The following PCNX1 variants were observed in gnomAD, a reference collection of about 807,000 sequenced individuals.
The protein encoded by PCNX1 is pecanex 1.
PCNX1 carries 78 observed loss-of-function variants against 242.2 expected under a neutral mutation model. The ratio of observed to expected loss-of-function variants is 0.32; its 90% CI spans 0.27 to 0.39. The LOEUF is 0.39. Among genes scored for constraint, PCNX1 ranks in the 10% least tolerant of loss-of-function variants. The pLI, the probability that PCNX1 is intolerant of heterozygous loss-of-function variation, is 1.00. For synonymous variants in PCNX1, 1,024 were observed against 1,032.9 expected, an observed-to-expected ratio of 0.99 and a Z score of 0.17; for missense variants, 2,581 against 2,856.5, an observed-to-expected ratio of 0.90 and a Z score of 2.20.
chr14:71,084,159 C>T (rs1242308013), intron 28 of PCNX1, among the ~76,000 whole-genome samples: 1 of 152,296 alleles, frequency 6.6e-6, no homozygotes, highest in Admixed American at 6.5e-5. Flanking sequence ...CCTTGTTTGC[C>T]TGGGTATCAC....
At chr14:71,080,293 A>T (rs1258833127) in intron 28 of PCNX1, among the ~76,000 whole-genome samples, 5 of 152,078 alleles carry the variant, frequency 3.3e-5, no homozygotes, top group Non-Finnish European at 7.4e-5. Context: ...GTAGAGTTTG[A>T]AGTTAGGTAA....
Position 71,076,358 on chromosome 14 carries a change from G to T in PCNX1, c.5276G>T (p.Arg1759Met). The change falls in exon 28 of 36, where the codon AGG (arginine) becomes ATG (methionine). Residue 1759 changes from arginine to methionine, a missense_variant. Around this residue, in one of 9 missense-constraint regions of PCNX1, gnomAD observed 298 missense variants for 480.1 expected, o/e 0.62. Coordinates refer to ENST00000304743, the MANE Select transcript of PCNX1 (RefSeq NM_014982.3). ...DYDHRLAGISRESFCVIYLNW... is the reference protein window; with the variant it reads ...DYDHRLAGISMESFCVIYLNW... ...GACCACCGACTGGCAGGCATATCTA[G>T]GGAGAGTTTCTGTGTGATTTACCTC... 1 of 1,613,910 alleles carries T rather than the reference G, an allele frequency of 6.2e-7. No individual in the cohort carries two copies. The highest frequency in any genetic ancestry group is 2.2e-5 in the East Asian group (1 of 44,870).
chr14:70,932,479 C>T (rs1014602551), intron 1 of PCNX1, among the ~76,000 whole-genome samples: 5 of 152,040 alleles, frequency 3.3e-5, no homozygotes, highest in African/African-American at 1.2e-4. Context: ...ATGTTTGTAT[C>T]TATTTTTAAA....
At chr14:71,008,838 T>C (rs2059742509) in intron 8 of PCNX1, among the ~76,000 whole-genome samples, 1 of 152,060 alleles carries the variant, frequency 6.6e-6, no homozygotes, top group African/African-American at 2.4e-5. Flanking sequence ...TCCCTTTTCA[T>C]CACCGATATG....
chr14:70,988,608 C>T lies in PCNX1; in HGVS notation c.2353C>T (p.Arg785Cys), dbSNP rs2059066346. 2.5e-6 allele frequency: 4 copies of T among 1,613,998 alleles called. No individual in the cohort carries two copies. Among genetic ancestry groups the T allele is most frequent in the African/African-American group, 1.3e-5 (1 of 74,898 alleles). ...SEEAVSFRRE[R>C]STFRRQAVRR... is the part of the protein sequence containing the mutation. ...GGAGGCAGTGTCATTTCGCCGTGAA[C>T]GCAGCACATTTAGGCGCCAGGCAGT... The change falls in exon 7 of 36, where the codon CGC becomes TGC. Residue 785 changes from arginine to cysteine, a missense_variant. Physicochemically the swap from Arg to Cys is radical, Grantham distance 180. Transcript: ENST00000304743.
At chr14:70,983,564 A>G (rs958186836) in intron 6 of PCNX1, among the ~76,000 whole-genome samples, 2 of 152,032 alleles carry the variant, frequency 1.3e-5, no homozygotes, top group Non-Finnish European at 2.9e-5. Flanking sequence ...CGGCCTCCCA[A>G]AGTGCTGGGA....
At chr14:70,997,990 T>TA (rs1459237439) in intron 8 of PCNX1, among the ~76,000 whole-genome samples, 4 of 152,242 alleles carry the variant, frequency 2.6e-5, no homozygotes, top group Non-Finnish European at 5.9e-5. Context: ...TAGCTTCCTC[T>TA]ATTAAAAATT....
At position 70,947,080 on chromosome 14, in the gene PCNX1, C is replaced by G. The variant is rs1566603115; in HGVS notation, c.319C>G (p.Gln107Glu). The G allele has an allele frequency of 6.2e-7, 1 of 1,613,152 alleles. No individual in the cohort carries two copies. Among genetic ancestry groups the G allele is most frequent in the South Asian group, 1.1e-5 (1 of 90,926 alleles). ...EFTDQRTKAE[Q>E]GNCSTRRKDS... ...CACGGATCAGCGAACCAAAGCTGAA[C>G]AAGGCAACTGTTCAACCAGGAGAAA... Residue 107 changes from glutamine to glutamate, a missense_variant, in exon 2 of 36, where the codon CAA becomes GAA. Around this residue, in one of 9 missense-constraint regions of PCNX1, gnomAD observed 1,204 missense variants for 1,216.7 expected, o/e 0.99. Transcript: ENST00000304743.
At chr14:71,034,193 A>C (rs1160171740) in intron 18 of PCNX1, among the ~76,000 whole-genome samples, 157 bp downstream of exon 18, 3 of 152,178 alleles carry the variant, frequency 2.0e-5, no homozygotes, top group Non-Finnish European at 4.4e-5. Flanking sequence ...TCTTTATTCC[A>C]AATATTAACA....
chr14:70,923,283 C>G (rs916584115), intron 1 of PCNX1, among the ~76,000 whole-genome samples: 3 of 152,060 alleles, frequency 2.0e-5, no homozygotes, highest in African/African-American at 7.2e-5. Flanking sequence ...TACCAGTTTT[C>G]TCCATGCTAT....
At chr14:71,042,406 A>C (rs567142787) in intron 19 of PCNX1, among the ~76,000 whole-genome samples, 2 of 152,080 alleles carry the variant, frequency 1.3e-5, no homozygotes, top group South Asian at 4.2e-4. Context: ...TGATCCCTTT[A>C]TTATTATATA....
chr14:71,032,872 C>T (rs940746477), intron 16 of PCNX1, among the ~76,000 whole-genome samples: 1 of 152,170 alleles, frequency 6.6e-6, no homozygotes, highest in African/African-American at 2.4e-5. Flanking sequence ...GTAGTATTTC[C>T]TTCTGGGTAT....
intron 30 of PCNX1, among the ~76,000 whole-genome samples, chr14:71,091,597 A>G (rs1297182131): frequency 6.6e-6 from 1 of 152,248 alleles, no homozygotes; most frequent in Non-Finnish European, 1.5e-5. Flanking sequence ...GTATGTCATG[A>G]ATGCATAAAA....
Position 71,089,264 on chromosome 14 carries a change from T to C in PCNX1, c.5511T>C (p.Asp1837=), listed in dbSNP as rs2062068156. The C allele has an allele frequency of 6.2e-7, 1 of 1,611,392 alleles. No individual in the cohort carries two copies. The part of the protein sequence containing the change: ...KGDFRISSIR[D]EWIFADMELL... ...ATTTCCGTATTTCTTCAATTCGAGA[T>C]GAATGGATCTTTGCTGACATGGAAT... Residue 1837 remains aspartate, a synonymous_variant, in exon 30 of 36, where the codon GAT becomes GAC. Transcript: ENST00000304743.
At chr14:71,095,909 C>T (rs2062264002) in intron 30 of PCNX1, among the ~76,000 whole-genome samples, 1 of 152,190 alleles carries the variant, frequency 6.6e-6, no homozygotes, top group Admixed American at 6.5e-5. Flanking sequence ...GGCGTAGTAG[C>T]TTGTGCCTGT....
At chr14:71,098,553 TGA>T (rs1555379088) in intron 30 of PCNX1, among the ~76,000 whole-genome samples, 560 of 125,692 alleles carry the variant, frequency 4.5e-3, no homozygotes, top group Non-Finnish European at 6.8e-3. Context: ...TGTGTGTGTG[TGA>T]GAGAGAGAGA....
At chr14:71,075,671 T>C (rs2141460899) in intron 27 of PCNX1, among the ~76,000 whole-genome samples, 1 of 152,226 alleles carries the variant, frequency 6.6e-6, no homozygotes, top group East Asian at 1.9e-4. Flanking sequence ...CCGAGGCGGA[T>C]GGACCACTTG....
At chr14:71,057,933 A>C (rs898026305) in intron 26 of PCNX1, among the ~76,000 whole-genome samples, 7 of 152,196 alleles carry the variant, frequency 4.6e-5, no homozygotes, top group African/African-American at 1.7e-4. Context: ...TTTATATGTA[A>C]AGGTAGTAGC....
chr14:70,959,552 C>T (rs546876831), intron 2 of PCNX1, among the ~76,000 whole-genome samples: 115 of 152,040 alleles, frequency 7.6e-4, no homozygotes, highest in African/African-American at 2.6e-3. Flanking sequence ...CTACAAAGGA[C>T]AGGAACTCAT....
Sources: allele counts gnomAD v4.1 joint callset (sites outside exome capture counted in the v4.1 genomes callset), GRCh38; gene constraint gnomAD v4.1.1; regional missense constraint gnomAD v4.1.1; transcripts MANE v1.5; gene names NCBI Gene and HGNC (gene_info 2026-07-23, HGNC 2026-07-21).